The following ZNF385D variants were observed in gnomAD, a reference collection of about 807,000 sequenced individuals.
The protein encoded by ZNF385D is zinc finger protein 385D.
In ZNF385D, 15 loss-of-function variants were observed where a neutral mutation model predicts 35.8. The observed-to-expected ratio is 0.42, with a 90% confidence interval of 0.28 to 0.64. The LOEUF (loss-of-function observed/expected upper bound fraction) is 0.64, where lower values mean the gene tolerates loss of function less well. Ranked by LOEUF, ZNF385D falls within the 30% of genes least tolerant of loss-of-function variation. The pLI is 0.23. For synonymous variants in ZNF385D, 212 were observed against 186.8 expected, an observed-to-expected ratio of 1.13 and a Z score of -1.10; for missense variants, 474 against 494.6, an observed-to-expected ratio of 0.96 and a Z score of 0.39.
chr3:21,821,150 ATGTTTCT>A (rs1694196510), intron 3 of ZNF385D, among the ~76,000 whole-genome samples: 1 of 152,058 alleles, frequency 6.6e-6, no homozygotes, highest in African/African-American at 2.4e-5. Flanking sequence ...TTACAGGTAA[ATGTTTCT>A]AAGTTATTTT....
At chr3:21,520,667 A>G (rs1267319503) in intron 3 of ZNF385D, among the ~76,000 whole-genome samples, 1 of 152,218 alleles carries the variant, frequency 6.6e-6, no homozygotes, top group Non-Finnish European at 1.5e-5. Flanking sequence ...GCCAAGGAAT[A>G]ATATGGAGAT....
rs149100179 is a variant in ZNF385D, at chr3:21,944,873, C to T, written c.325+223944G>A. On this transcript the variant is annotated intron_variant, in intron 3 of 5. Coordinates refer to the ZNF385D transcript ENST00000494108. The stretch of plus-strand genomic sequence containing the variant: ...GAAATGTAGATATATATGTAAAGTA[C>T]TTACTAGGTCAATACCTTCATCTTC... Among the ~76,000 whole-genome samples the T allele has an allele frequency of 7.2e-5, 11 of 152,100 alleles. No homozygotes were observed. In the East Asian group the frequency reaches 2.1e-3, roughly 29 times the overall value.
rs556232757 is a variant in ZNF385D, at chr3:22,329,112, TGCTCATATCACTTTCTAG to T, written c.106+43320_106+43337del. Reference sequence around the variant, plus strand: ...AAAAAAAAAAAGAGTTTATTAAAGTTGCTCATATCACTTTCTAGGCTCACTGCTATTTCTCATATGCCA... The same window carrying T: ...AAAAAAAAAAAGAGTTTATTAAAGTTGCTCACTGCTATTTCTCATATGCCA... On this transcript the variant is annotated intron_variant, in intron 2 of 5. Coordinates refer to the ZNF385D transcript ENST00000494108. Among the ~76,000 whole-genome samples, 234 of 150,316 alleles carry T rather than the reference TGCTCATATCACTTTCTAG, an allele frequency of 1.6e-3. 11 individuals are homozygous for T. In the South Asian group the frequency reaches 0.048, roughly 31 times the overall value.
At chr3:21,628,555 T>C (rs956854863) in intron 2 of ZNF385D, among the ~76,000 whole-genome samples, 1 of 152,144 alleles carries the variant, frequency 6.6e-6, no homozygotes, top group Admixed American at 6.6e-5. Flanking sequence ...GCTTAATGTC[T>C]CCAGGTCTTG....
At chr3:21,917,763 T>C (rs12490987) in intron 3 of ZNF385D, among the ~76,000 whole-genome samples, 81,345 of 152,018 alleles carry the variant, frequency 0.54, 23,824 homozygotes, top group South Asian at 0.66. Context: ...ACAAGTCATA[T>C]CTGTACCCTC....
chr3:21,533,659 A>G (rs772935219), intron 3 of ZNF385D, among the ~76,000 whole-genome samples: 56 of 152,084 alleles, frequency 3.7e-4, no homozygotes, highest in Non-Finnish European at 5.3e-4. Context: ...GTGGCTTAGG[A>G]TTAGAAAGGA....
chr3:21,962,746 T>A (rs1702666744), intron 3 of ZNF385D, among the ~76,000 whole-genome samples: 1 of 152,208 alleles, frequency 6.6e-6, no homozygotes, highest in Non-Finnish European at 1.5e-5. Context: ...TTCTGTCTTA[T>A]AATTTCGTTG....
intron 3 of ZNF385D, among the ~76,000 whole-genome samples, chr3:21,533,475 G>A (rs1002884521): frequency 1.3e-5 from 2 of 152,038 alleles, no homozygotes; most frequent in African/African-American, 4.8e-5. Flanking sequence ...CCTATAGAAC[G>A]AAAACCTTTG....
At chr3:21,993,636 G>T (rs2125400128) in intron 3 of ZNF385D, among the ~76,000 whole-genome samples, 1 of 152,200 alleles carries the variant, frequency 6.6e-6, no homozygotes, top group South Asian at 2.1e-4. Context: ...ACATCTAGTG[G>T]AATTACTTTT....
intron 3 of ZNF385D, among the ~76,000 whole-genome samples, chr3:21,954,111 A>G (rs1702183085): frequency 1.3e-5 from 2 of 151,942 alleles, no homozygotes; most frequent in Non-Finnish European, 2.9e-5. Context: ...TTTGGAAGAT[A>G]AGATACAACA....
chr3:22,062,823 G>A (rs1349556307), intron 3 of ZNF385D, among the ~76,000 whole-genome samples: 1 of 152,178 alleles, frequency 6.6e-6, no homozygotes, highest in African/African-American at 2.4e-5. Flanking sequence ...ACAGCCATAT[G>A]GAAATACCAT....
chr3:21,500,655 G>A (rs2125437795), intron 4 of ZNF385D, among the ~76,000 whole-genome samples: 1 of 152,306 alleles, frequency 6.6e-6, no homozygotes, highest in East Asian at 1.9e-4. Context: ...TACACACCTT[G>A]CTTTCAGTCC....
At chr3:21,487,936 C>G (rs985885065) in intron 4 of ZNF385D, among the ~76,000 whole-genome samples, 1 of 152,088 alleles carries the variant, frequency 6.6e-6, no homozygotes, top group Non-Finnish European at 1.5e-5. Context: ...GCTATTGTTA[C>G]TATTATAAGA....
At chr3:21,693,243 G>A (rs958044890) in intron 1 of ZNF385D, among the ~76,000 whole-genome samples, 17 of 152,172 alleles carry the variant, frequency 1.1e-4, no homozygotes, top group Admixed American at 9.2e-4. Flanking sequence ...GGAAATGGGA[G>A]CTGGTGGACA....
intron 3 of ZNF385D, among the ~76,000 whole-genome samples, chr3:22,123,940 C>CTA (rs1703256882): frequency 1.0e-5 from 1 of 97,224 alleles, no homozygotes; most frequent in Non-Finnish European, 2.1e-5. Context: ...CTCTCTCTCT[C>CTA]TCTCTCTCTC....
Position 21,751,115 on chromosome 3 carries a change from T to C in ZNF385D, c.-199A>G, listed in dbSNP as rs1325976670. On this transcript the variant is annotated 5_prime_UTR_variant, in exon 1 of 8. Transcript: ENST00000281523. Reference sequence around the variant, plus strand: ...TTCCAGGGCTAAGATCCCCGGCGGCTGGAGAGTGCGCTCGGGCTGCCTGCT... The same window carrying C: ...TTCCAGGGCTAAGATCCCCGGCGGCCGGAGAGTGCGCTCGGGCTGCCTGCT... The C allele has an allele frequency of 6.8e-7, 1 of 1,467,958 alleles. No individual in the cohort carries two copies. Among genetic ancestry groups the C allele is most frequent in the Non-Finnish European group, 9.0e-7 (1 of 1,110,108 alleles). 90.9% of individuals were successfully genotyped at this position (1,467,958 alleles called of 1,614,324 possible).
chr3:21,638,161 T>C (rs1483037920), intron 2 of ZNF385D, among the ~76,000 whole-genome samples: 1 of 152,012 alleles, frequency 6.6e-6, no homozygotes, highest in African/African-American at 2.4e-5. Context: ...ACAGACAACA[T>C]TTAGGAAAAT....
intron 3 of ZNF385D, among the ~76,000 whole-genome samples, chr3:22,001,169 A>T (rs1015583258): frequency 6.6e-6 from 1 of 152,162 alleles, no homozygotes; most frequent in Admixed American, 6.5e-5. Flanking sequence ...GAATATAAAC[A>T]GACTAAATTC....
At chr3:21,869,417 G>A (rs750606215) in intron 3 of ZNF385D, among the ~76,000 whole-genome samples, 9 of 152,010 alleles carry the variant, frequency 5.9e-5, no homozygotes, top group Non-Finnish European at 1.0e-4. Flanking sequence ...GATCCCCACC[G>A]CTCATCAGCA....
Sources: allele counts gnomAD v4.1 joint callset (sites outside exome capture counted in the v4.1 genomes callset), GRCh38; gene constraint gnomAD v4.1.1; transcripts MANE v1.5; gene names NCBI Gene and HGNC (gene_info 2026-07-23, HGNC 2026-07-21).